The following TMEM94 variants were observed in gnomAD, a reference collection of about 807,000 sequenced individuals.
TMEM94 encodes the protein ER Mg2+ ATPase.
In TMEM94, 81 loss-of-function variants were observed where a neutral mutation model predicts 158.6. The observed-to-expected ratio is 0.51, with a 90% CI of 0.43 to 0.61. The LOEUF is 0.61. TMEM94 is among the 20% of genes least tolerant of loss of function. The pLI, the probability that TMEM94 is intolerant of heterozygous loss-of-function variation, is 0.00. For synonymous variants in TMEM94, 751 were observed against 730.7 expected, an observed-to-expected ratio of 1.03 and a Z score of -0.45; for missense variants, 1,435 against 1,762.0, an observed-to-expected ratio of 0.81 and a Z score of 3.32.
rs549706718 is a variant in TMEM94, at chr17:75,492,365, G to A, written c.1597-109G>A. 1.4e-6 allele frequency: 2 copies of A among 1,457,078 alleles called. No homozygotes were observed. Among genetic ancestry groups the A allele is most frequent in the Admixed American group, 5.5e-5 (2 of 36,362 alleles). The allele number at this position is 1,457,078 out of a possible 1,614,324, so 90.3% of individuals were successfully genotyped here. On this transcript the variant is annotated intron_variant, in intron 14 of 31. Coordinates refer to ENST00000314256, the MANE Select transcript of TMEM94 (RefSeq NM_014738.6). The surrounding 1 kb of genome is among the most constrained non-coding windows in gnomAD (Gnocchi z 4.4). ...GAGCAGCAGCTCTCTCCTGGGAAGG[G>A]TGCCTTTCAGGGGCAGGAGCCCTCC...
intron 5 of TMEM94, among the ~76,000 whole-genome samples, chr17:75,486,824 G>C (rs1567943774): frequency 6.6e-6 from 1 of 152,210 alleles, no homozygotes; most frequent in Admixed American, 6.5e-5. Context: ...ATTGGGGTGG[G>C]GTAGGGGCCG....
rs771504985 is a variant in TMEM94, at chr17:75,492,534, C to T, written c.1657C>T (p.Leu553=). The T allele has an allele frequency of 4.3e-6, 7 of 1,613,458 alleles. No individual in the cohort carries two copies. The South Asian group carries it at 7.7e-5, about 18-fold the overall frequency. ...AGAGGACTTTGTGTGTGACTACCACCTGGAGATGCTGAGCCTGTCCCAGGA... is the reference window on the plus strand; with the variant it reads ...AGAGGACTTTGTGTGTGACTACCACTTGGAGATGCTGAGCCTGTCCCAGGA... The part of the protein sequence containing the change: ...EAEDFVCDYH[L]EMLSLSQDQQ... The change falls in exon 15 of 32, where the codon CTG becomes TTG. Residue 553 remains leucine, a synonymous_variant. Transcript: ENST00000314256. This position sits in a 1 kb window ranked among gnomAD's most constrained non-coding sequence, Gnocchi z 4.4.
At chr17:75,463,218 A>C (rs2050178304) in intron 1 of TMEM94, among the ~76,000 whole-genome samples, 2 of 143,680 alleles carry the variant, frequency 1.4e-5, no homozygotes, top group Admixed American at 7.0e-5. Context: ...TTATGTAGAA[A>C]GATACTGTAC....
intron 10 of TMEM94, 22 bp downstream of exon 10, chr17:75,490,372 G>A: frequency 6.2e-7 from 1 of 1,607,130 alleles, no homozygotes; most frequent in Non-Finnish European, 8.5e-7. Context: ...CAAGGTGTCT[G>A]GGGGAAGTCA....
chr17:75,499,122 T>C lies in TMEM94; in HGVS notation c.3998+40T>C, dbSNP rs746400298. ...GGGCGCCTCCCTCTGGGCTCAGGCA[T>C]GTTCCCTAAACCTGTTACTCCCTTG... On this transcript the variant is annotated intron_variant, in intron 31 of 31. Coordinates refer to ENST00000314256, the MANE Select transcript of TMEM94 (RefSeq NM_014738.6). The C allele has an allele frequency of 3.8e-6, 6 of 1,576,708 alleles. No homozygotes were observed. The Admixed American group carries it at 6.9e-5, about 18-fold the overall frequency.
At position 75,476,629 on chromosome 17, in the gene TMEM94, C is replaced by T. The variant is rs1235708993; in HGVS notation, c.24+4700C>T. The T allele has an allele frequency of 4.2e-5, 65 of 1,531,246 alleles. 1 individual carries two copies. Among genetic ancestry groups the T allele is most frequent in the Admixed American group, 9.9e-5 (5 of 50,374 alleles). 94.9% of individuals were successfully genotyped at this position (1,531,246 alleles called of 1,614,324 possible). A position where few individuals can be genotyped will look rare whatever the true frequency, so the allele number is the denominator to read the frequency against. Reference sequence around the variant, plus strand: ...TCTCTCTCTCTCTTTTCACCCTCCCCGCTTTGAGGGAGGTGTTGGAAGTTC... The same window carrying T: ...TCTCTCTCTCTCTTTTCACCCTCCCTGCTTTGAGGGAGGTGTTGGAAGTTC... On this transcript the variant is annotated intron_variant, in intron 2 of 31. Coordinates refer to ENST00000314256, the MANE Select transcript of TMEM94 (RefSeq NM_014738.6).
chr17:75,499,209 C>T (rs912790815), intron 31 of TMEM94, 53 bp from the exon 32 acceptor site: 1 of 1,606,644 alleles, frequency 6.2e-7, no homozygotes, highest in Non-Finnish European at 8.5e-7. Context: ...CCTGCCCCGG[C>T]CCCTGGTCTA....
Position 75,489,728 on chromosome 17 carries a change from T to G in TMEM94, c.954+66T>G. Reference sequence around the variant, plus strand: ...CCCGCAGGGCTGGCTCTTCTCCTAGTACCCTGGCTGTCCCTCCCTCTCTGC... The same window carrying G: ...CCCGCAGGGCTGGCTCTTCTCCTAGGACCCTGGCTGTCCCTCCCTCTCTGC... On this transcript the variant is annotated intron_variant, in intron 9 of 31. Coordinates refer to ENST00000314256, the MANE Select transcript of TMEM94 (RefSeq NM_014738.6). This position sits in a 1 kb window ranked among gnomAD's most constrained non-coding sequence, Gnocchi z 5.0. The G allele has an allele frequency of 7.4e-7, 1 of 1,354,392 alleles. No homozygotes were observed. Among genetic ancestry groups the G allele is most frequent in the Non-Finnish European group, 1.1e-6 (1 of 949,086 alleles). 83.9% of individuals were successfully genotyped at this position (1,354,392 alleles called of 1,614,324 possible).
Position 75,497,841 on chromosome 17 carries a change from C to T in TMEM94, c.3468C>T (p.Asn1156=). The change falls in exon 27 of 32, where the codon AAC becomes AAT. Residue 1156 remains asparagine, a synonymous_variant. Transcript: ENST00000314256. The stretch of plus-strand genomic sequence containing the variant: ...TCATGTCTATGGCAACGGGGAAAAA[C>T]CTCCAGTCCATTCCCAAGAAGGTAA... The part of the protein sequence containing the change: ...SSIMSMATGK[N]LQSIPKKTQH... The T allele has an allele frequency of 2.0e-5, 32 of 1,613,916 alleles. No homozygotes were observed. The highest frequency in any genetic ancestry group is 2.7e-5 in the Non-Finnish European group (32 of 1,179,946).
intron 4 of TMEM94, 62 bp downstream of exon 4, chr17:75,486,060 C>T: frequency 6.5e-7 from 1 of 1,535,762 alleles, no homozygotes; most frequent in Non-Finnish European, 8.8e-7. Context: ...GCCGCGGCAC[C>T]TGGGACAGAC....
Position 75,498,694 on chromosome 17 carries a change from C to A in TMEM94, c.3799C>A (p.Leu1267Ile), listed in dbSNP as rs2052993841. ...PLWRKSPLTN[L>I]WWAVTVPVVL... Reference sequence around the variant, plus strand: ...GTGGAGAAAGAGCCCCTTGACCAACCTCTGGTGGGCCGTGACAGTGCCTGT... The same window carrying A: ...GTGGAGAAAGAGCCCCTTGACCAACATCTGGTGGGCCGTGACAGTGCCTGT... Residue 1267 changes from leucine (L) to isoleucine (I), a missense_variant, in exon 30 of 32, where the codon CTC becomes ATC. By Grantham distance (5) the Leu-to-Ile change is conservative. Coordinates refer to ENST00000314256, the MANE Select transcript of TMEM94 (RefSeq NM_014738.6). This position sits in a 1 kb window ranked among gnomAD's most constrained non-coding sequence, Gnocchi z 6.7. The A allele has an allele frequency of 2.5e-6, 4 of 1,580,222 alleles. No homozygotes were observed. The highest frequency in any genetic ancestry group is 3.4e-6 in the Non-Finnish European group (4 of 1,161,852).
At position 75,495,315 on chromosome 17, in the gene TMEM94, C is replaced by A; in HGVS notation, c.2760C>A (p.Leu920=). The change falls in exon 21 of 32, where the codon CTC becomes CTA. Residue 920 remains leucine, a synonymous_variant. Transcript: ENST00000314256. This position sits in a 1 kb window ranked among gnomAD's most constrained non-coding sequence, Gnocchi z 5.6. ...VSRDDAEGLL[L]MEEEGHSDLI... ...GAGATGATGCAGAAGGGCTCCTCCT[C>A]ATGGAGGAGGAGGGCCACTCGGACC... 2 of 1,613,436 alleles carry A rather than the reference C, an allele frequency of 1.2e-6. No homozygotes were observed. Among genetic ancestry groups the A allele is most frequent in the Non-Finnish European group, 1.7e-6 (2 of 1,179,694 alleles).
chr17:75,467,075 A>G (rs2050331894), intron 1 of TMEM94, among the ~76,000 whole-genome samples: 1 of 150,682 alleles, frequency 6.6e-6, no homozygotes, highest in Non-Finnish European at 1.5e-5. Context: ...CCCGGGTTCA[A>G]GTGATTCTCC....
At chr17:75,459,998 G>C (rs1333408363) in intron 1 of TMEM94, among the ~76,000 whole-genome samples, 1 of 152,162 alleles carries the variant, frequency 6.6e-6, no homozygotes, top group African/African-American at 2.4e-5. Flanking sequence ...TGTGTGGTTT[G>C]GTGATCAGGG....
chr17:75,475,612 T>C (rs2050654224), intron 2 of TMEM94, among the ~76,000 whole-genome samples: 1 of 152,254 alleles, frequency 6.6e-6, no homozygotes, highest in African/African-American at 2.4e-5. Flanking sequence ...ATGATGCCTC[T>C]GGAGCCATGA....
rs1598392491 is a variant in TMEM94, at chr17:75,487,501, T to C, written c.410-431T>C. 6.2e-5 allele frequency: 10 copies of C among 161,644 alleles called. No individual in the cohort carries two copies. The South Asian group carries it at 1.6e-3, about 26-fold the overall frequency. 10.0% of individuals were successfully genotyped at this position (161,644 alleles called of 1,614,324 possible). On this transcript the variant is annotated intron_variant, in intron 5 of 31. Coordinates refer to ENST00000314256, the MANE Select transcript of TMEM94 (RefSeq NM_014738.6). The surrounding 1 kb of genome is among the most constrained non-coding windows in gnomAD (Gnocchi z 4.6). ...CAGCAAATCGGTTTGCTCCCTCTTCTGGACTCCTGCAGCACAGGGATCTTT... is the reference window on the plus strand; with the variant it reads ...CAGCAAATCGGTTTGCTCCCTCTTCCGGACTCCTGCAGCACAGGGATCTTT...
Position 75,491,520 on chromosome 17 carries a change from G to A in TMEM94, c.1386+65G>A. On this transcript the variant is annotated intron_variant, in intron 13 of 31. Coordinates refer to ENST00000314256, the MANE Select transcript of TMEM94 (RefSeq NM_014738.6). The surrounding 1 kb of genome is among the most constrained non-coding windows in gnomAD (Gnocchi z 5.1). ...CTGGGCCAGGCTGTTTAGCCTTGGA[G>A]CCTGGCCAGGGAGGGTGAGGTTTCG... 6.2e-7 allele frequency: 1 copy of A among 1,610,684 alleles called. No homozygotes were observed. Among genetic ancestry groups the A allele is most frequent in the East Asian group, 2.2e-5 (1 of 44,832 alleles).
At chr17:75,465,679 A>ATATTTTTTTTT in intron 1 of TMEM94, among the ~76,000 whole-genome samples, 1 of 124,824 alleles carries the variant, frequency 8.0e-6, no homozygotes, top group African/African-American at 3.5e-5. Flanking sequence ...ATATATATAT[A>ATATTTTTTTTT]TTTTTTTTTA....
chr17:75,496,768 C>G lies in TMEM94; in HGVS notation c.3282C>G (p.Leu1094=), dbSNP rs763621359. Residue 1094 remains leucine (L), a synonymous_variant, in exon 25 of 32, where the codon CTC becomes CTG. Transcript: ENST00000314256. ...HATYGIRKCF[L]FLLQCQLTLV... is the part of the protein sequence containing the mutation. The stretch of plus-strand genomic sequence containing the variant: ...CCTATGGCATCCGTAAGTGCTTCCT[C>G]TTCCTGCTGCAGTGCCAGCTGACTC... 12 of 1,613,854 alleles carry G rather than the reference C, an allele frequency of 7.4e-6. No individual in the cohort carries two copies. The Admixed American group carries it at 1.5e-4, about 20-fold the overall frequency.
Sources: allele counts gnomAD v4.1 joint callset (sites outside exome capture counted in the v4.1 genomes callset), GRCh38; gene constraint gnomAD v4.1.1; non-coding constraint Gnocchi (gnomAD v3.1); transcripts MANE v1.5; gene names NCBI Gene and HGNC (gene_info 2026-07-23, HGNC 2026-07-21).